Variants in HIVEP3 observed in about 807,000 individuals in gnomAD.
HIVEP3 encodes the protein HIVEP zinc finger 3, also known as transcription factor HIVEP3.
HIVEP3 carries 49 observed loss-of-function variants against 152.8 expected under a neutral mutation model. That is an observed-to-expected ratio of 0.32 (90% CI 0.26 to 0.41). The LOEUF (loss-of-function observed/expected upper bound fraction) is 0.41, where lower values mean the gene tolerates loss of function less well. Ranked by LOEUF, HIVEP3 falls within the 10% of genes least tolerant of loss-of-function variation. The probability of loss-of-function intolerance (pLI) is 1.00; values close to 1 mark genes in which losing one functional copy is unlikely to be tolerated. For missense variants in HIVEP3, 2,790 were observed against 3,103.3 expected, an observed-to-expected ratio of 0.90 and a Z score of 2.40; for synonymous variants, 1,269 against 1,289.0, an observed-to-expected ratio of 0.98 and a Z score of 0.33.
intron 5 of HIVEP3, among the ~76,000 whole-genome samples, chr1:41,530,193 C>A (rs866738038): frequency 1.3e-5 from 2 of 152,228 alleles, no homozygotes; most frequent in African/African-American, 2.4e-5. Context: ...CCTGACCAGC[C>A]AGTTTTGGCC....
intron 1 of HIVEP3, among the ~76,000 whole-genome samples, chr1:41,902,115 T>C (rs1644635062): frequency 1.3e-5 from 2 of 152,260 alleles, no homozygotes; most frequent in East Asian, 1.9e-4. Context: ...GGTGGGTTAC[T>C]GTCCCTGGGA....
chr1:41,512,770 C>T (rs1470991321), intron 8 of HIVEP3, 46 bp downstream of exon 8: 4 of 1,410,154 alleles, frequency 2.8e-6, no homozygotes, highest in Non-Finnish European at 3.8e-6. Flanking sequence ...GCAACCCCTG[C>T]ACCCACAGGG....
At chr1:41,683,596 C>T (rs767540088) in intron 2 of HIVEP3, among the ~76,000 whole-genome samples, 6 of 152,176 alleles carry the variant, frequency 3.9e-5, no homozygotes, top group Non-Finnish European at 5.9e-5. Flanking sequence ...AGGGTTATTG[C>T]CTGGCTCAGG....
At chr1:41,924,143 A>AT (rs1399945762) in intron 1 of HIVEP3, among the ~76,000 whole-genome samples, 1 of 152,188 alleles carries the variant, frequency 6.6e-6, no homozygotes. Context: ...GACGTAGGAG[A>AT]CGGGCTAGAG....
rs746904867 is a variant in HIVEP3 at position 41,581,891 on chromosome 1, T to C, written c.2907A>G (p.Lys969=). The change falls in exon 4 of 9, where the codon AAA becomes AAG. Residue 969 remains lysine (K), a synonymous_variant. Coordinates refer to ENST00000372583, the MANE Select transcript of HIVEP3 (RefSeq NM_024503.5). The surrounding 1 kb of genome is among the most constrained non-coding windows in gnomAD (Gnocchi z 4.5). ...APSPSSDMRP[K]PLGTHMLTVP... ...CAGTCAACATGTGGGTGCCCAGGGG[T>C]TTGGGGCGCATGTCAGATGAGGGAC... 2.5e-6 allele frequency: 4 copies of C among 1,612,826 alleles called. No homozygotes were observed. The highest frequency in any genetic ancestry group is 3.4e-6 in the Non-Finnish European group (4 of 1,179,390).
intron 4 of HIVEP3, 131 bp downstream of exon 4, chr1:41,579,606 T>A (rs1325869197): frequency 9.4e-7 from 1 of 1,063,144 alleles, no homozygotes; most frequent in Non-Finnish European, 1.3e-6. Context: ...CAGTCTCAGC[T>A]TTCAGAGAGG....
At chr1:41,634,413 G>T (rs190965805) in intron 2 of HIVEP3, among the ~76,000 whole-genome samples, 3 of 151,388 alleles carry the variant, frequency 2.0e-5, no homozygotes, top group African/African-American at 7.3e-5. Flanking sequence ...AGAGGGGAAG[G>T]GAGAAACAAA....
At position 41,545,521 on chromosome 1, in the gene HIVEP3, C is replaced by T. The variant is rs931454973; in HGVS notation, c.5208-20611G>A. 2.3e-5 allele frequency among the ~76,000 whole-genome samples: 3 copies of T among 130,380 alleles called. No homozygotes were observed. The East Asian group carries it at 7.4e-4, about 32-fold the overall frequency. 85.5% of individuals were successfully genotyped at this position (130,380 alleles called of 152,430 possible). ...ACCACTACCACCATCGCTACCATCACCACCACTACCATCACCACCACCACC... is the reference window on the plus strand; with the variant it reads ...ACCACTACCACCATCGCTACCATCATCACCACTACCATCACCACCACCACC... On this transcript the variant is annotated intron_variant, in intron 5 of 8. Transcript: ENST00000372583.
At chr1:41,637,723 C>T (rs955686953) in intron 2 of HIVEP3, among the ~76,000 whole-genome samples, 1 of 152,222 alleles carries the variant, frequency 6.6e-6, no homozygotes, top group African/African-American at 2.4e-5. Flanking sequence ...GGGCTTGAAA[C>T]ATGCGTTCTT....
At chr1:41,711,575 G>A (rs1646513664) in intron 1 of HIVEP3, among the ~76,000 whole-genome samples, 1 of 152,218 alleles carries the variant, frequency 6.6e-6, no homozygotes, top group Non-Finnish European at 1.5e-5. Context: ...GCAATAAAAT[G>A]GGGTTGATAA....
rs1330946561 is a variant in HIVEP3, at chr1:41,687,172, T to TG, written c.-721+13743dup. On this transcript the variant is annotated intron_variant, in intron 2 of 8. Coordinates refer to ENST00000372583, the MANE Select transcript of HIVEP3 (RefSeq NM_024503.5). ...GAGGAAACAGTAAGTGCAAAGGCCC[T>TG]GAGGCCAGAGTTTGTAGAACAGTAC... 5.9e-5 allele frequency among the ~76,000 whole-genome samples: 9 copies of TG among 152,268 alleles called. No homozygotes were observed. The East Asian group carries it at 1.3e-3, about 23-fold the overall frequency.
At chr1:41,921,963 A>T (rs183930257), upstream of HIVEP3, among the ~76,000 whole-genome samples, 678 of 152,270 alleles carry the variant, frequency 4.5e-3, 2 homozygotes, top group African/African-American at 6.7e-3. Flanking sequence ...AAAGAGATTT[A>T]AAAAATCAGA....
At chr1:41,984,546 TGAA>T (rs1485889886) in intron 1 of HIVEP3, among the ~76,000 whole-genome samples, 13 of 152,128 alleles carry the variant, frequency 8.5e-5, no homozygotes, top group African/African-American at 2.9e-4. Context: ...AAGCAAAGTC[TGAA>T]GGAGCACTGA....
At chr1:41,775,554 G>A (rs759739693) in intron 1 of HIVEP3, among the ~76,000 whole-genome samples, 4 of 152,050 alleles carry the variant, frequency 2.6e-5, no homozygotes, top group South Asian at 2.1e-4. Context: ...GCAGTGGCGC[G>A]ATCTCGGCTC....
At position 41,960,242 on chromosome 1, in the gene HIVEP3, T is replaced by A. The variant is rs181828291; in HGVS notation, n.120-41718A>T. On this transcript the variant is annotated intron_variant and non_coding_transcript_variant, in intron 1 of 3. Coordinates refer to the HIVEP3 transcript ENST00000489103. ...GAAGATGATGAGTATTAGTATGGCC[T>A]CAGGACCAACTGCAACCATGGAGAC... is the stretch of plus-strand genomic sequence containing the variant. Among the ~76,000 whole-genome samples, 19 of 152,294 alleles carry A rather than the reference T, an allele frequency of 1.2e-4. No homozygotes were observed. The East Asian group carries it at 3.7e-3, about 29-fold the overall frequency.
At chr1:41,607,449 T>C (rs189370885) in intron 3 of HIVEP3, among the ~76,000 whole-genome samples, 1 of 152,256 alleles carries the variant, frequency 6.6e-6, no homozygotes, top group Admixed American at 6.5e-5. Flanking sequence ...GCTATCTTCA[T>C]AGCAACCTGC....
Position 41,524,886 on chromosome 1 carries a change from T to C in HIVEP3, c.5232A>G (p.Val1744=), listed in dbSNP as rs1247385739. 4 of 1,613,902 alleles carry C rather than the reference T, an allele frequency of 2.5e-6. No homozygotes were observed. Among genetic ancestry groups the C allele is most frequent in the Middle Eastern group, 1.7e-4 (1 of 6,048 alleles). The change falls in exon 6 of 9, where the codon GTA becomes GTG. Residue 1744 remains valine, a synonymous_variant. Transcript: ENST00000372583. The part of the protein sequence containing the change: ...EGGYKSNEEY[V]YVRGRGRGKY... Reference sequence around the variant, plus strand: ...TCCCTCGGCCGCGGCCTCGCACATATACATACTCTTCGTTTGATTTGTACC... The same window carrying C: ...TCCCTCGGCCGCGGCCTCGCACATACACATACTCTTCGTTTGATTTGTACC...
intron 2 of HIVEP3, among the ~76,000 whole-genome samples, chr1:41,655,451 C>T (rs1228709296): frequency 2.6e-5 from 4 of 151,748 alleles, no homozygotes; most frequent in African/African-American, 7.3e-5. Context: ...GGTGTGGTGG[C>T]GGGCACCTGT....
chr1:41,686,775 A>T (rs1646122126), intron 2 of HIVEP3, among the ~76,000 whole-genome samples: 1 of 152,214 alleles, frequency 6.6e-6, no homozygotes, highest in Non-Finnish European at 1.5e-5. Context: ...CCTGGTTCTC[A>T]TCTGTGAAAA....
Sources: gnomAD v4.1 joint callset for allele counts (sites outside exome capture counted in the v4.1 genomes callset) on GRCh38, gnomAD v4.1.1 for gene constraint, Gnocchi (gnomAD v3.1) non-coding constraint, MANE v1.5 for transcripts, NCBI Gene and HGNC (gene_info 2026-07-23, HGNC 2026-07-21) for gene names.